SLC12A1: variants seen among roughly 807,000 people sequenced by gnomAD.
The protein encoded by SLC12A1 is solute carrier family 12 member 1.
Under a neutral mutation model 130.4 loss-of-function variants are expected in SLC12A1, and 89 were observed. The observed-to-expected ratio is 0.68, with a 90% CI of 0.58 to 0.81. SLC12A1 has a LOEUF of 0.81. Ranked by LOEUF, SLC12A1 falls within the 40% of genes least tolerant of loss-of-function variation. SLC12A1 has a pLI of 0.00. For synonymous variants in SLC12A1, 499 were observed against 460.0 expected (o/e 1.08, Z -1.09); for missense variants, 1,310 against 1,336.4 (o/e 0.98, Z 0.31).
At position 48,237,072 on chromosome 15, in the gene SLC12A1, C is replaced by A. The variant is rs187748930; in HGVS notation, c.1215+2068C>A. ...CAGACTTCCCTTATATGAATTAGAA[C>A]AAGCAAGAGTAGAATCAAGTGCAAA... On this transcript the variant is annotated intron_variant, in intron 9 of 26. Transcript: ENST00000380993. 1,680 of 700,968 alleles carry A rather than the reference C, an allele frequency of 2.4e-3. 11 individuals are homozygous for A. The highest frequency in any genetic ancestry group is 2.9e-3 in the Non-Finnish European group (1,100 of 384,376). The allele number at this position is 700,968 out of a possible 1,614,324, so 43.4% of individuals were successfully genotyped here.
chr15:48,223,922 C>T lies in SLC12A1; in HGVS notation c.629-2554C>T, dbSNP rs183755562. 13 of 152,418 alleles carry T rather than the reference C, an allele frequency of 8.5e-5. No homozygotes were observed. In the East Asian group the frequency reaches 2.5e-3, roughly 29 times the overall value. 9.4% of individuals were successfully genotyped at this position (152,418 alleles called of 1,614,324 possible). A position where few individuals can be genotyped will look rare whatever the true frequency, so the allele number is the denominator to read the frequency against. On this transcript the variant is annotated intron_variant, in intron 4 of 26. Transcript: ENST00000380993. ...TAGCTTCTTCCCACTCCACCTTAAC[C>T]TGCAAAAAAGCCTAGAGGCTGCTGT...
chr15:48,303,072 G>T lies in SLC12A1; in HGVS notation c.*187G>T. ...CTTTTTTTTCTCTTCTCAGCTTAAG[G>T]GGTTGTCAAAGCCAATGTTATCCCT... On this transcript the variant is annotated 3_prime_UTR_variant, in exon 27 of 27. Coordinates refer to ENST00000380993, the MANE Select transcript of SLC12A1 (RefSeq NM_000338.3). 1 of 439,382 alleles carries T rather than the reference G, an allele frequency of 2.3e-6. No individual in the cohort carries two copies. Among genetic ancestry groups the T allele is most frequent in the Non-Finnish European group, 3.9e-6 (1 of 254,168 alleles). 27.2% of individuals were successfully genotyped at this position (439,382 alleles called of 1,614,324 possible). A position where few individuals can be genotyped will look rare whatever the true frequency, so the allele number is the denominator to read the frequency against.
At chr15:48,247,098 T>A in intron 12 of SLC12A1, 82 bp downstream of exon 12, 1 of 1,187,250 alleles carries the variant, frequency 8.4e-7, no homozygotes, top group Non-Finnish European at 1.2e-6. Flanking sequence ...TCGTTCTCAC[T>A]GGCAATCATT....
chr15:48,239,381 G>C lies in SLC12A1; in HGVS notation c.1216-2134G>C, dbSNP rs116930085. On this transcript the variant is annotated intron_variant, in intron 9 of 26. Coordinates refer to ENST00000380993, the MANE Select transcript of SLC12A1 (RefSeq NM_000338.3). Reference sequence around the variant, plus strand: ...CACAAAAAACTAGCTGGGCGTGGTGGCACACACCTATCATCCCACCTACTT... The same window carrying C: ...CACAAAAAACTAGCTGGGCGTGGTGCCACACACCTATCATCCCACCTACTT... Among the ~76,000 whole-genome samples the C allele has an allele frequency of 5.0e-3, 766 of 152,092 alleles. 17 individuals carry two copies. The East Asian group carries it at 0.055, about 11-fold the overall frequency.
chr15:48,208,835 C>A (rs74823554), intron 2 of SLC12A1, among the ~76,000 whole-genome samples: 1 of 152,100 alleles, frequency 6.6e-6, no homozygotes, highest in Non-Finnish European at 1.5e-5. Context: ...TGGGTGACAG[C>A]CTTTAGTGTG....
chr15:48,254,607 A>T (rs2041682934), intron 15 of SLC12A1, among the ~76,000 whole-genome samples: 3 of 89,450 alleles, frequency 3.4e-5, no homozygotes, highest in South Asian at 7.2e-4. Context: ...AAAAAAAAAA[A>T]AAAAAAAAAA....
At chr15:48,208,410 T>G (rs747782796) in intron 2 of SLC12A1, among the ~76,000 whole-genome samples, 3 of 152,088 alleles carry the variant, frequency 2.0e-5, no homozygotes, top group Non-Finnish European at 4.4e-5. Context: ...ACTCCTGGGC[T>G]CAAACAATCC....
intron 14 of SLC12A1, among the ~76,000 whole-genome samples, chr15:48,250,733 A>G (rs2041638891): frequency 7.0e-6 from 1 of 142,618 alleles, no homozygotes; most frequent in Non-Finnish European, 1.5e-5. Context: ...CTCAGAGAAA[A>G]ATAAGACTAT....
chr15:48,261,307 A>G (rs1303348215), intron 17 of SLC12A1, among the ~76,000 whole-genome samples: 2 of 152,240 alleles, frequency 1.3e-5, no homozygotes, highest in Non-Finnish European at 2.9e-5. Context: ...ATTGCTTTTA[A>G]TTAACCATTT....
At chr15:48,232,593 C>A in intron 7 of SLC12A1, 134 bp from the exon 8 acceptor site, 1 of 687,348 alleles carries the variant, frequency 1.5e-6, no homozygotes, top group South Asian at 1.6e-5. Context: ...GCATGTATTA[C>A]CTACTCTGGG....
chr15:48,277,456 A>G (rs557249602), intron 20 of SLC12A1, among the ~76,000 whole-genome samples: 1 of 152,362 alleles, frequency 6.6e-6, no homozygotes, highest in East Asian at 1.9e-4. Flanking sequence ...AATTCTTTCT[A>G]TTAAGCTGGA....
intron 7 of SLC12A1, among the ~76,000 whole-genome samples, chr15:48,231,398 G>A (rs2141035437): frequency 6.6e-6 from 1 of 152,338 alleles, no homozygotes; most frequent in East Asian, 1.9e-4. Context: ...ACAGGACACT[G>A]TGATGAAAAA....
chr15:48,266,527 T>C (rs1270334842), intron 17 of SLC12A1, among the ~76,000 whole-genome samples: 1 of 151,758 alleles, frequency 6.6e-6, no homozygotes, highest in South Asian at 2.1e-4. Flanking sequence ...GTGTGGTCTG[T>C]CTAAGGAGCA....
rs762954790 is a variant in SLC12A1, at chr15:48,207,610, C to A, written c.-110C>A. 13 of 820,558 alleles carry A rather than the reference C, an allele frequency of 1.6e-5. No homozygotes were observed. The highest frequency in any genetic ancestry group is 2.3e-5 in the Non-Finnish European group (13 of 556,498). 50.8% of individuals were successfully genotyped at this position (820,558 alleles called of 1,614,324 possible). On this transcript the variant is annotated 5_prime_UTR_variant, in exon 2 of 27. Transcript: ENST00000380993. ...TTTATTGAATCATCTAGAACAAAAG[C>A]CAGGAGCTCCCTAATGGAAGCACAT...
intron 26 of SLC12A1, among the ~76,000 whole-genome samples, chr15:48,302,353 GC>G (rs1566862924): frequency 6.6e-6 from 1 of 151,876 alleles, no homozygotes; most frequent in Admixed American, 6.6e-5. Context: ...GGGCGCGGTG[GC>G]TCACGCCTGC....
At chr15:48,294,812 G>T (rs1464879950) in intron 24 of SLC12A1, among the ~76,000 whole-genome samples, 1 of 152,138 alleles carries the variant, frequency 6.6e-6, no homozygotes, top group African/African-American at 2.4e-5. Context: ...TTGTCTAGTG[G>T]GTAGTCACTG....
intron 26 of SLC12A1, among the ~76,000 whole-genome samples, chr15:48,301,832 T>A (rs928022119): frequency 6.6e-6 from 1 of 152,240 alleles, no homozygotes; most frequent in African/African-American, 2.4e-5. Context: ...CAGAGCCATT[T>A]CCATTTTCAC....
Position 48,282,922 on chromosome 15 carries a change from C to T in SLC12A1, c.2486-2184C>T, listed in dbSNP as rs968675440. Among the ~76,000 whole-genome samples, 4 of 152,258 alleles carry T rather than the reference C, an allele frequency of 2.6e-5. No individual in the cohort carries two copies. In the South Asian group the frequency reaches 6.2e-4, roughly 24 times the overall value. ...ATCTCTTTGCATATGAACCCTGTAA[C>T]TTGCTGGGTGATATCAGGCAACTCA... On this transcript the variant is annotated intron_variant, in intron 20 of 26. Transcript: ENST00000380993.
intron 14 of SLC12A1, among the ~76,000 whole-genome samples, chr15:48,250,674 C>CACACACACACACACACACACA (rs1555383559): frequency 0.092 from 5,135 of 55,886 alleles, 151 homozygotes; most frequent in South Asian, 0.12. Context: ...AAAATGTCTG[C>CACACACACACACACACACACA]CTCACACACA....
Sources: allele counts gnomAD v4.1 joint callset (sites outside exome capture counted in the v4.1 genomes callset), GRCh38; gene constraint gnomAD v4.1.1; transcripts MANE v1.5; gene names NCBI Gene and HGNC (gene_info 2026-07-23, HGNC 2026-07-21).